Variants in UNC13B observed in about 807,000 individuals in gnomAD.
UNC13B encodes the protein protein unc-13 homolog B.
In UNC13B, 144 loss-of-function variants were observed where a neutral mutation model predicts 211.0. The observed-to-expected ratio is 0.68, with a 90% CI of 0.60 to 0.78. The LOEUF is 0.78. UNC13B is among the 30% of genes least tolerant of loss of function. UNC13B has a pLI of 0.00. For synonymous variants in UNC13B, 709 were observed against 725.8 expected (o/e 0.98, Z 0.37); for missense variants, 1,777 against 2,002.0 (o/e 0.89, Z 2.14).
At chr9:35,284,129 A>T (rs1377678506) in intron 7 of UNC13B, among the ~76,000 whole-genome samples, 5 of 152,084 alleles carry the variant, frequency 3.3e-5, no homozygotes, top group Non-Finnish European at 7.4e-5. Flanking sequence ...GCGTGGTGGC[A>T]TGCGACTGTA....
intron 11 of UNC13B, among the ~76,000 whole-genome samples, chr9:35,354,227 AG>A (rs1251688107): frequency 2.6e-5 from 4 of 152,164 alleles, no homozygotes; most frequent in Admixed American, 2.0e-4. Context: ...AGGCACTAGA[AG>A]GGCTGAGAAA....
intron 11 of UNC13B, among the ~76,000 whole-genome samples, chr9:35,342,630 T>C (rs562126092): frequency 6.6e-6 from 1 of 152,002 alleles, no homozygotes. Context: ...CATATTCATA[T>C]ACAAATAATC....
intron 8 of UNC13B, among the ~76,000 whole-genome samples, chr9:35,299,163 C>T (rs993110166): frequency 6.6e-5 from 10 of 152,050 alleles, no homozygotes; most frequent in Admixed American, 2.6e-4. Context: ...ACCCAGGAGG[C>T]GGACATTGCA....
chr9:35,258,202 T>C (rs1176651699), intron 6 of UNC13B, among the ~76,000 whole-genome samples: 1 of 152,144 alleles, frequency 6.6e-6, no homozygotes, highest in Middle Eastern at 3.2e-3. Context: ...ACTCCAAATC[T>C]CATGTTTGCA....
At chr9:35,236,395 T>G in intron 3 of UNC13B, 74 bp from the exon 4 acceptor site, 12 of 1,241,284 alleles carry the variant, frequency 9.7e-6, no homozygotes, top group Non-Finnish European at 1.1e-5. Context: ...ATTCAAAGTT[T>G]AGCAAAACAG....
chr9:35,384,223 CTTTA>C lies in UNC13B; in HGVS notation c.10807-19_10807-16del, dbSNP rs758627156. 1.2e-6 allele frequency: 2 copies of C among 1,613,526 alleles called. No homozygotes were observed. The highest frequency in any genetic ancestry group is 1.3e-5 in the African/African-American group (1 of 74,986). Reference sequence around the variant, plus strand: ...AGACACAGGTTCTCTTTTTCTTCCCCTTTATTTGTTTCTCACCCTCAGAAAGAGA... The same window carrying C: ...AGACACAGGTTCTCTTTTTCTTCCCCTTTGTTTCTCACCCTCAGAAAGAGA... On this transcript the variant is annotated intron_variant, in intron 21 of 39. Coordinates refer to ENST00000635942, the MANE Select transcript of UNC13B (RefSeq NM_001371189.2).
At chr9:35,315,337 A>T (rs1430643653) in intron 11 of UNC13B, among the ~76,000 whole-genome samples, 1 of 152,212 alleles carries the variant, frequency 6.6e-6, no homozygotes, top group Non-Finnish European at 1.5e-5. Flanking sequence ...AAGCACAATC[A>T]TGCTCACATA....
At chr9:35,215,757 G>A (rs1208507904) in intron 1 of UNC13B, among the ~76,000 whole-genome samples, 1 of 152,138 alleles carries the variant, frequency 6.6e-6, no homozygotes, top group Non-Finnish European at 1.5e-5. Flanking sequence ...TTGAATTATT[G>A]GAAGGCCAGA....
At chr9:35,253,503 G>A (rs1311952965) in intron 6 of UNC13B, among the ~76,000 whole-genome samples, 3 of 152,276 alleles carry the variant, frequency 2.0e-5, no homozygotes, top group African/African-American at 4.8e-5. Context: ...GGAAACCCAT[G>A]TGTATACCTA....
chr9:35,319,221 G>A (rs574206912), intron 11 of UNC13B, among the ~76,000 whole-genome samples: 1 of 151,842 alleles, frequency 6.6e-6, no homozygotes, highest in South Asian at 2.1e-4. Context: ...GGCCAACATG[G>A]TGAAACCCTC....
At chr9:35,378,161 G>T (rs1834566093) in intron 16 of UNC13B, 134 bp from the exon 17 acceptor site, 7 of 1,299,986 alleles carry the variant, frequency 5.4e-6, no homozygotes, top group East Asian at 2.5e-5. Context: ...CCAGGACAAA[G>T]AATAAATATG....
At chr9:35,315,640 A>G (rs973073059) in intron 11 of UNC13B, among the ~76,000 whole-genome samples, 1 of 152,190 alleles carries the variant, frequency 6.6e-6, no homozygotes, top group Non-Finnish European at 1.5e-5. Flanking sequence ...GCCAAACAAC[A>G]ATAACAACAC....
rs529850018 is a variant in UNC13B, at chr9:35,384,485, A to T, written c.10875+171A>T. ...ACCTGTGGTTCTTTTAACTCCAGGG[A>T]CCATGTGGTGTATAAATAGCAGCAG... On this transcript the variant is annotated intron_variant, in intron 22 of 39. Transcript: ENST00000635942. 5 of 985,414 alleles carry T rather than the reference A, an allele frequency of 5.1e-6. No homozygotes were observed. The African/African-American group carries it at 5.2e-5, about 10-fold the overall frequency. The allele number at this position is 985,414 out of a possible 1,614,324, so 61.0% of individuals were successfully genotyped here.
At chr9:35,397,821 G>A in intron 30 of UNC13B, 109 bp downstream of exon 30, 1 of 1,137,150 alleles carries the variant, frequency 8.8e-7, no homozygotes, top group South Asian at 1.4e-5. Flanking sequence ...CCTGATGCCT[G>A]ATTCCCACCA....
At chr9:35,175,143 G>T (rs188625205) in intron 1 of UNC13B, among the ~76,000 whole-genome samples, 1 of 152,380 alleles carries the variant, frequency 6.6e-6, no homozygotes, top group East Asian at 1.9e-4. Flanking sequence ...AGGGAGGAAA[G>T]TTGGGTTCCG....
chr9:35,385,835 G>T lies in UNC13B; in HGVS notation c.10965+22G>T, dbSNP rs747759928. The T allele has an allele frequency of 5.6e-6, 9 of 1,598,910 alleles. No homozygotes were observed. In the Admixed American group the frequency reaches 1.5e-4, roughly 27 times the overall value. ...GAAGGTAAGAAATGGACTGGGGCTTGGGTGGTGCTGGGCTGGAGACCTGGC... is the reference window on the plus strand; with the variant it reads ...GAAGGTAAGAAATGGACTGGGGCTTTGGTGGTGCTGGGCTGGAGACCTGGC... On this transcript the variant is annotated intron_variant, in intron 23 of 39. Transcript: ENST00000635942.
intron 5 of UNC13B, among the ~76,000 whole-genome samples, chr9:35,240,360 T>A (rs1240465265): frequency 6.6e-6 from 1 of 152,216 alleles, no homozygotes; most frequent in Non-Finnish European, 1.5e-5. Flanking sequence ...GATCTCAGTG[T>A]ATTTGTATCT....
At chr9:35,316,534 A>C (rs1431543144) in intron 11 of UNC13B, among the ~76,000 whole-genome samples, 1 of 152,212 alleles carries the variant, frequency 6.6e-6, no homozygotes. Context: ...TTTATCAGAA[A>C]CAATGTTACT....
chr9:35,328,191 T>G (rs1831129373), intron 11 of UNC13B, among the ~76,000 whole-genome samples: 1 of 152,040 alleles, frequency 6.6e-6, no homozygotes, highest in Admixed American at 6.5e-5. Context: ...CAGCTAATTT[T>G]TTTTGTATTT....
Sources: allele counts gnomAD v4.1 joint callset (sites outside exome capture counted in the v4.1 genomes callset), GRCh38; gene constraint gnomAD v4.1.1; transcripts MANE v1.5; gene names NCBI Gene and HGNC (gene_info 2026-07-23, HGNC 2026-07-21).